The following MACROD2 variants were observed in gnomAD, a reference collection of about 807,000 sequenced individuals.
MACROD2 encodes the protein ADP-ribose glycohydrolase MACROD2.
In MACROD2, 36 loss-of-function variants were observed where a neutral mutation model predicts 70.4. The observed-to-expected ratio is 0.51, with a 90% CI of 0.39 to 0.68. The LOEUF (loss-of-function observed/expected upper bound fraction) is 0.68. MACROD2 is among the 30% of genes least tolerant of loss of function. The pLI, the probability that MACROD2 is intolerant of heterozygous loss-of-function variation, is 0.00. For missense variants in MACROD2, 496 were observed against 538.4 expected (o/e 0.92, Z 0.78); for synonymous variants, 172 against 178.8 (o/e 0.96, Z 0.30).
chr20:15,551,745 G>A (rs1427465203), intron 8 of MACROD2, among the ~76,000 whole-genome samples: 1 of 151,886 alleles, frequency 6.6e-6, no homozygotes, highest in Non-Finnish European at 1.5e-5. Flanking sequence ...GTGTGGGCCT[G>A]TGGTCCCAGC....
At chr20:14,849,908 T>C (rs754252294) in intron 5 of MACROD2, 3 of 493,500 alleles carry the variant, frequency 6.1e-6, no homozygotes, top group Non-Finnish European at 1.2e-5. Context: ...TCGTAGCAAA[T>C]TTGGATGCAA....
intron 5 of MACROD2, among the ~76,000 whole-genome samples, chr20:14,740,110 A>G (rs575835481): frequency 1.3e-5 from 2 of 152,166 alleles, no homozygotes; most frequent in African/African-American, 2.4e-5. Context: ...AAGTTCTTCA[A>G]ATAAATACTT....
rs575510081 is a variant in MACROD2, at chr20:15,369,742, T to C, written c.541-61663T>C. 9.9e-5 allele frequency among the ~76,000 whole-genome samples: 15 copies of C among 152,262 alleles called. 1 individual carries two copies. The South Asian group carries it at 3.1e-3, about 32-fold the overall frequency. On this transcript the variant is annotated intron_variant, in intron 6 of 17. Transcript: ENST00000684519. ...GAGGAGGAAAGCCTACAGCGTTGATTTAAAAGACTGTAATTAGAATTAGGT... is the reference window on the plus strand; with the variant it reads ...GAGGAGGAAAGCCTACAGCGTTGATCTAAAAGACTGTAATTAGAATTAGGT...
intron 3 of MACROD2, among the ~76,000 whole-genome samples, chr20:14,456,713 C>CTTTTTTTTT (rs10696382): frequency 3.0e-5 from 3 of 101,130 alleles, no homozygotes; most frequent in Admixed American, 1.3e-4. Context: ...GACTCAGGAT[C>CTTTTTTTTT]TTTTTTTTTT....
intron 3 of MACROD2, among the ~76,000 whole-genome samples, chr20:14,277,721 G>A (rs1449233926): frequency 6.6e-6 from 1 of 152,000 alleles, no homozygotes; most frequent in Non-Finnish European, 1.5e-5. Context: ...GAGTGAGAGA[G>A]AGAGAGAGAA....
chr20:15,635,412 A>G (rs1281146587), intron 8 of MACROD2, among the ~76,000 whole-genome samples: 1 of 152,224 alleles, frequency 6.6e-6, no homozygotes. Flanking sequence ...CAATTTTTAA[A>G]AAGAATGAAA....
rs186846373 is a variant in MACROD2 at position 14,184,727 on chromosome 20, G to A, written c.271+98999G>A. The stretch of plus-strand genomic sequence containing the variant: ...TGAGCAGTGGTTTGTAGTTCTCCTT[G>A]TAGAGATATTTCACCTTCCTAGTTA... On this transcript the variant is annotated intron_variant, in intron 3 of 17. Coordinates refer to ENST00000684519, the MANE Select transcript of MACROD2 (RefSeq NM_001351661.2). Among the ~76,000 whole-genome samples the A allele has an allele frequency of 1.0e-3, 157 of 152,166 alleles. 3 individuals are homozygous for A. Among genetic ancestry groups the A allele is most frequent in the South Asian group, 2.5e-3 (12 of 4,826 alleles).
chr20:14,665,753 G>A (rs200635724), intron 4 of MACROD2, among the ~76,000 whole-genome samples: 1 of 151,796 alleles, frequency 6.6e-6, no homozygotes, highest in Non-Finnish European at 1.5e-5. Context: ...CCATCCTTTA[G>A]ATTTCGTTTT....
intron 5 of MACROD2, among the ~76,000 whole-genome samples, chr20:14,712,191 AC>A (rs1382447839): frequency 6.6e-6 from 1 of 152,148 alleles, no homozygotes; most frequent in Non-Finnish European, 1.5e-5. Context: ...TTGGAAATAC[AC>A]ACTTATTTCA....
In MACROD2 at chr20:14,623,388, G is replaced by A. The variant is rs564135134; in HGVS notation, c.302-61455G>A. Among the ~76,000 whole-genome samples the A allele has an allele frequency of 7.2e-5, 11 of 152,244 alleles. No homozygotes were observed. In the South Asian group the frequency reaches 1.4e-3, roughly 20 times the overall value. On this transcript the variant is annotated intron_variant, in intron 4 of 17. Coordinates refer to ENST00000684519, the MANE Select transcript of MACROD2 (RefSeq NM_001351661.2). ...GGTTGGAACAGAAAGTTGAATAAGGGAGAGTTTATGAACGTGGGATCACTT... is the reference window on the plus strand; with the variant it reads ...GGTTGGAACAGAAAGTTGAATAAGGAAGAGTTTATGAACGTGGGATCACTT...
At chr20:15,151,158 G>T (rs1444167355) in intron 5 of MACROD2, among the ~76,000 whole-genome samples, 2 of 152,074 alleles carry the variant, frequency 1.3e-5, no homozygotes, top group Admixed American at 1.3e-4. Flanking sequence ...AGTTCCAGGG[G>T]GCTCTGGGAG....
At chr20:14,500,496 C>T (rs2084904731) in intron 4 of MACROD2, among the ~76,000 whole-genome samples, 2 of 152,210 alleles carry the variant, frequency 1.3e-5, no homozygotes, top group African/African-American at 4.8e-5. Flanking sequence ...AAAAGTTTAA[C>T]TTAGCCCTGA....
chr20:14,099,945 C>T (rs1250149801), intron 3 of MACROD2, among the ~76,000 whole-genome samples: 1 of 151,878 alleles, frequency 6.6e-6, no homozygotes, highest in Non-Finnish European at 1.5e-5. Flanking sequence ...CATGTTAAGC[C>T]AGCATTTGTA....
At chr20:14,071,169 A>G (rs1484434520) in intron 2 of MACROD2, among the ~76,000 whole-genome samples, 1 of 151,786 alleles carries the variant, frequency 6.6e-6, no homozygotes, top group East Asian at 1.9e-4. Context: ...TTTTAATGAA[A>G]ATTCTGTTAT....
chr20:15,336,915 G>A (rs1406490910), intron 6 of MACROD2, among the ~76,000 whole-genome samples: 1 of 151,752 alleles, frequency 6.6e-6, no homozygotes, highest in Non-Finnish European at 1.5e-5. Context: ...TAGCCTGAGA[G>A]AGTTTAAGGA....
At chr20:15,922,281 G>A (rs894611406) in intron 10 of MACROD2, among the ~76,000 whole-genome samples, 14 of 152,112 alleles carry the variant, frequency 9.2e-5, no homozygotes, top group Non-Finnish European at 1.6e-4. Flanking sequence ...AGTTACAAAT[G>A]CATATGTTGT....
intron 2 of MACROD2, among the ~76,000 whole-genome samples, chr20:14,020,987 C>CTTT (rs1163077387): frequency 7.5e-4 from 84 of 111,528 alleles, no homozygotes; most frequent in African/African-American, 9.6e-4. Context: ...TTTGAATATT[C>CTTT]TTTTTTTTTT....
chr20:15,519,402 G>A (rs2146526901), intron 8 of MACROD2, among the ~76,000 whole-genome samples: 1 of 152,248 alleles, frequency 6.6e-6, no homozygotes, highest in Admixed American at 6.5e-5. Context: ...GAGATTACAG[G>A]CGTGAGTCAC....
chr20:15,591,910 A>C (rs2048685694), intron 8 of MACROD2, among the ~76,000 whole-genome samples: 1 of 152,206 alleles, frequency 6.6e-6, no homozygotes, highest in African/African-American at 2.4e-5. Flanking sequence ...TGGGTGCAAC[A>C]TGCTCAGGCT....
Sources: gnomAD v4.1 joint callset for allele counts (sites outside exome capture counted in the v4.1 genomes callset) on GRCh38, gnomAD v4.1.1 for gene constraint, MANE v1.5 for transcripts, NCBI Gene and HGNC (gene_info 2026-07-23, HGNC 2026-07-21) for gene names.